DNAH1: variants seen among roughly 807,000 people sequenced by gnomAD.
The protein encoded by DNAH1 is dynein axonemal heavy chain 1.
Under a neutral mutation model 484.3 loss-of-function variants are expected in DNAH1, and 327 were observed. That is an observed-to-expected ratio of 0.68 (90% CI 0.62 to 0.74). The LOEUF (loss-of-function observed/expected upper bound fraction) is 0.74, where lower values mean the gene tolerates loss of function less well. DNAH1 is among the 30% of genes least tolerant of loss of function. DNAH1 has a pLI of 0.00. For missense variants in DNAH1, 5,052 were observed against 5,546.8 expected (o/e 0.91, Z 2.83); for synonymous variants, 2,192 against 2,191.9 (o/e 1.00, Z 0.00).
chr3:52,388,904 C>T lies in DNAH1; in HGVS notation c.9462C>T (p.Ala3154=), dbSNP rs761916351. 9.9e-6 allele frequency: 16 copies of T among 1,611,318 alleles called. No individual in the cohort carries two copies. In the East Asian group the frequency reaches 2.7e-4, roughly 27 times the overall value. ...LNNISGDVLV[A]AGFVAYLGPF... The stretch of plus-strand genomic sequence containing the variant: ...ACATCTCCGGCGATGTCCTGGTGGC[C>T]GCTGGCTTTGTGGCCTACCTGGGCC... The change falls in exon 59 of 78, where the codon GCC becomes GCT. Residue 3154 remains alanine (A), a synonymous_variant. Coordinates refer to ENST00000420323, the MANE Select transcript of DNAH1 (RefSeq NM_015512.5).
At position 52,323,826 on chromosome 3, in the gene DNAH1, C is replaced by T. The variant is rs201474620; in HGVS notation, c.352C>T (p.Arg118Ter). The change falls in exon 3 of 78, where the codon CGA (arginine) becomes TGA (stop). Residue 118 changes from arginine to a stop codon, truncating the protein, a stop_gained. Transcript: ENST00000420323. LOFTEE classifies it high-confidence loss of function. ...DQLGEVCRGP[R>*]MSQNLLRQAD... is the part of the protein sequence containing the mutation. ...GTTTCAGGAGGTATGTCGTGGCCCC[C>T]GAATGAGCCAGAACCTCCTGCGGCA... The T allele has an allele frequency of 7.5e-6, 12 of 1,590,686 alleles. No homozygotes were observed. The highest frequency in any genetic ancestry group is 2.3e-5 in the East Asian group (1 of 43,582).
chr3:52,344,735 G>C, intron 9 of DNAH1, 88 bp downstream of exon 9: 1 of 1,400,234 alleles, frequency 7.1e-7, no homozygotes, highest in Non-Finnish European at 9.6e-7. Context: ...TGTCTGCCCT[G>C]CCATTGTGGG....
intron 42 of DNAH1, 21 bp from the exon 43 acceptor site, chr3:52,372,206 G>T: frequency 6.2e-7 from 1 of 1,613,288 alleles, no homozygotes; most frequent in Non-Finnish European, 8.5e-7. Flanking sequence ...GCATGCTCCT[G>T]TGCCATCCCC....
intron 3 of DNAH1, among the ~76,000 whole-genome samples, chr3:52,325,378 C>T (rs569277960): frequency 6.6e-6 from 1 of 152,152 alleles, no homozygotes; most frequent in Non-Finnish European, 1.5e-5. Flanking sequence ...TAGAGGGGAC[C>T]ATCAGGAGGC....
chr3:52,396,339 C>G (rs201920263), intron 70 of DNAH1, 29 bp from the exon 71 acceptor site: 1 of 1,552,578 alleles, frequency 6.4e-7, no homozygotes, highest in South Asian at 1.2e-5. Context: ...ATATGGGTCT[C>G]AATGCTCACG....
In DNAH1 at chr3:52,400,448, C is replaced by G; in HGVS notation, c.*2C>G. On this transcript the variant is annotated 3_prime_UTR_variant, in exon 78 of 78. Transcript: ENST00000420323. ...CTCATCTGTGCCCTGGACTACTAGA[C>G]TCAGACAGAAGGGCTGGGGCCATTA... 6.2e-7 allele frequency: 1 copy of G among 1,614,042 alleles called. No homozygotes were observed. The highest frequency in any genetic ancestry group is 1.3e-5 in the African/African-American group (1 of 75,074).
chr3:52,311,311 C>G, the DNAH1 span, among the ~76,000 whole-genome samples: 16 of 152,248 alleles, frequency 1.1e-4, no homozygotes, highest in African/African-American at 1.7e-4. Flanking sequence ...CGGGGCCTAG[C>G]TTTGCCCTAT....
At chr3:52,325,393 C>T (rs1701299865) in intron 3 of DNAH1, among the ~76,000 whole-genome samples, 1 of 152,172 alleles carries the variant, frequency 6.6e-6, no homozygotes, top group African/African-American at 2.4e-5. Context: ...GGAGGCTGCC[C>T]AGAGCCCACC....
intron 58 of DNAH1, 80 bp from the exon 59 acceptor site, chr3:52,388,726 C>G: frequency 6.2e-7 from 1 of 1,604,624 alleles, no homozygotes; most frequent in Non-Finnish European, 8.5e-7. Flanking sequence ...CTGGCAACCC[C>G]AGGTGCCACA....
rs201742944 is a variant in DNAH1, at chr3:52,388,175, T to A, written c.9012T>A (p.Ile3004=). Residue 3004 remains isoleucine, a synonymous_variant, in exon 57 of 78, where the codon ATT becomes ATA. Coordinates refer to ENST00000420323, the MANE Select transcript of DNAH1 (RefSeq NM_015512.5). ...CAGGCTTCCCACCTCAGGACAACATTGGGGATGTGGTGATCAAAGCCATCC... is the reference window on the plus strand; with the variant it reads ...CAGGCTTCCCACCTCAGGACAACATAGGGGATGTGGTGATCAAAGCCATCC... ...ESLFKFDKDN[I]GDVVIKAIQP... The A allele has an allele frequency of 1.2e-6, 2 of 1,608,870 alleles. No homozygotes were observed. Among genetic ancestry groups the A allele is most frequent in the Non-Finnish European group, 1.7e-6 (2 of 1,177,942 alleles).
At chr3:52,356,821 G>A (rs1359121138) in intron 22 of DNAH1, 43 bp downstream of exon 22, 2 of 1,558,182 alleles carry the variant, frequency 1.3e-6, no homozygotes, top group Admixed American at 1.9e-5. Context: ...GATCCCCAAG[G>A]GCCCTGGTCA....
rs779773823 is a variant in DNAH1 at position 52,373,028 on chromosome 3, C to T, written c.6960C>T (p.Gly2320=). 59 of 1,612,500 alleles carry T rather than the reference C, an allele frequency of 3.7e-5. No homozygotes were observed. Among genetic ancestry groups the T allele is most frequent in the Middle Eastern group, 1.6e-4 (1 of 6,082 alleles). ...TGTTGCGCCAGTGGATGGACCACGG[C>T]GGCTGGTACGACCGCAAGATCATTG... ...IELLRQWMDH[G]GWYDRKIIGA... is the part of the protein sequence containing the mutation. Residue 2320 remains glycine (G), a synonymous_variant, in exon 44 of 78, where the codon GGC becomes GGT. Transcript: ENST00000420323.
intron 46 of DNAH1, among the ~76,000 whole-genome samples, chr3:52,378,100 C>T (rs1416065516): frequency 2.6e-5 from 4 of 152,090 alleles, no homozygotes; most frequent in South Asian, 2.1e-4. Flanking sequence ...AAGAACAGGC[C>T]GATAGGTGTA....
intron 66 of DNAH1, 127 bp from the exon 67 acceptor site, chr3:52,394,338 A>G (rs1323349681): frequency 2.4e-5 from 21 of 888,898 alleles, no homozygotes; most frequent in Middle Eastern, 2.5e-4. Context: ...CTGTTTGACT[A>G]CCATCCCCAA....
rs748646080 is a variant in DNAH1 at position 52,349,974 on chromosome 3, T to G, written c.2527-15T>G. 2 of 1,599,174 alleles carry G rather than the reference T, an allele frequency of 1.3e-6. No individual in the cohort carries two copies. The highest frequency in any genetic ancestry group is 1.3e-5 in the African/African-American group (1 of 74,818). On this transcript the variant is annotated splice_polypyrimidine_tract_variant and intron_variant, in intron 14 of 77. Transcript: ENST00000420323. ...GCAGCATGCTGCCCTCCCCAGCGCC[T>G]CCTCCCACTGCCAGATCTGCGAGGA...
Position 52,383,927 on chromosome 3 carries a change from G to T in DNAH1, c.8218G>T (p.Asp2740Tyr), listed in dbSNP as rs776234847. The T allele has an allele frequency of 1.2e-6, 2 of 1,613,400 alleles. No individual in the cohort carries two copies. Among genetic ancestry groups the T allele is most frequent in the Non-Finnish European group, 1.7e-6 (2 of 1,179,612 alleles). ...CTCCCTGGTCAACTGCTGTACCATC[G>T]ACTGGTTTAACGAGTGGCCGGCAGA... ...FPSLVNCCTI[D>Y]WFNEWPAEAL... Residue 2740 changes from aspartate to tyrosine, a missense_variant, in exon 52 of 78, where the codon GAC becomes TAC. This residue lies in a region of DNAH1 where 2,929 missense variants were observed against 3,409.4 expected (regional missense o/e 0.86). Coordinates refer to ENST00000420323, the MANE Select transcript of DNAH1 (RefSeq NM_015512.5).
intron 43 of DNAH1, 74 bp from the exon 44 acceptor site, chr3:52,372,822 C>T: frequency 5.2e-6 from 8 of 1,531,312 alleles, no homozygotes; most frequent in Admixed American, 4.1e-5. Context: ...GGCAAAGCTG[C>T]CACCCGTTCG....
chr3:52,321,384 G>C (rs1202337321), intron 1 of DNAH1, among the ~76,000 whole-genome samples: 2 of 152,168 alleles, frequency 1.3e-5, no homozygotes, highest in Non-Finnish European at 2.9e-5. Flanking sequence ...CCAAAGTGCT[G>C]GGATTATAGG....
At chr3:52,348,097 C>T (rs1464595341) in intron 12 of DNAH1, 123 bp downstream of exon 12, 5 of 1,000,312 alleles carry the variant, frequency 5.0e-6, no homozygotes, top group Middle Eastern at 3.2e-4. Context: ...AGGCAGCATG[C>T]TCAGCCCTGT....
Sources: gnomAD v4.1 joint callset for allele counts (sites outside exome capture counted in the v4.1 genomes callset) on GRCh38, gnomAD v4.1.1 for gene constraint, gnomAD v4.1.1 regional missense constraint, MANE v1.5 for transcripts, NCBI Gene and HGNC (gene_info 2026-07-23, HGNC 2026-07-21) for gene names.